Variants in FRMD4A observed in about 807,000 individuals in gnomAD.
The protein encoded by FRMD4A is FERM domain-containing protein 4A.
In FRMD4A, 29 loss-of-function variants were observed where a neutral mutation model predicts 129.1. The observed-to-expected ratio is 0.22, with a 90% CI of 0.17 to 0.31. The LOEUF is 0.31. Among genes scored for constraint, FRMD4A ranks in the 10% least tolerant of loss-of-function variants. The pLI is 1.00. For synonymous variants in FRMD4A, 634 were observed against 571.6 expected, an observed-to-expected ratio of 1.11 and a Z score of -1.56; for missense variants, 1,272 against 1,375.8, an observed-to-expected ratio of 0.92 and a Z score of 1.19.
chr10:13,963,750 G>A (rs920006105), intron 2 of FRMD4A, among the ~76,000 whole-genome samples: 1 of 152,178 alleles, frequency 6.6e-6, no homozygotes, highest in Admixed American at 6.5e-5. Context: ...AGGTTGGTAG[G>A]TGTTCTTATA....
chr10:13,865,076 T>C (rs1313813984), intron 2 of FRMD4A, among the ~76,000 whole-genome samples: 3 of 151,874 alleles, frequency 2.0e-5, no homozygotes, highest in Admixed American at 1.3e-4. Flanking sequence ...CTGGGCTCAA[T>C]TGATCCTCCT....
intron 15 of FRMD4A, among the ~76,000 whole-genome samples, chr10:13,688,335 A>G (rs1240144983): frequency 1.3e-5 from 2 of 151,924 alleles, no homozygotes; most frequent in Non-Finnish European, 2.9e-5. Context: ...ATAGGTGGGA[A>G]TTGAAGAATG....
chr10:13,722,530 G>A (rs60536027), intron 12 of FRMD4A, among the ~76,000 whole-genome samples: 1 of 151,862 alleles, frequency 6.6e-6, no homozygotes, highest in African/African-American at 2.4e-5. Context: ...ACAGGCATGA[G>A]CCACTGTGGC....
At chr10:13,761,832 A>G (rs1416074017) in intron 7 of FRMD4A, among the ~76,000 whole-genome samples, 163 bp from the exon 8 acceptor site, 1 of 152,236 alleles carries the variant, frequency 6.6e-6, no homozygotes, top group Non-Finnish European at 1.5e-5. Context: ...AACTGAATGC[A>G]CACCTTTGCC....
chr10:14,317,478 C>G (rs1345032146), intron 2 of FRMD4A, among the ~76,000 whole-genome samples: 1 of 152,190 alleles, frequency 6.6e-6, no homozygotes, highest in Non-Finnish European at 1.5e-5. Flanking sequence ...GACTATTTCT[C>G]TGCCATCACA....
Position 14,241,399 on chromosome 10 carries a change from T to C in FRMD4A, c.45+88659A>G, listed in dbSNP as rs117914717. On this transcript the variant is annotated intron_variant, in intron 2 of 24. Transcript: ENST00000357447. ...AAAGCTTCTAGAACCTTTTTTGTGA[T>C]TGTCAGCATTTTCAGGACAACTTTG... 9.7e-3 allele frequency among the ~76,000 whole-genome samples: 1,472 copies of C among 152,254 alleles called. 13 individuals are homozygous for C. The highest frequency in any genetic ancestry group is 0.014 in the Non-Finnish European group (984 of 68,006).
chr10:13,783,335 C>A (rs2130783662), intron 5 of FRMD4A, among the ~76,000 whole-genome samples: 1 of 152,280 alleles, frequency 6.6e-6, no homozygotes, highest in East Asian at 1.9e-4. Context: ...TATTTGTTTT[C>A]ATCACATTGC....
intron 2 of FRMD4A, among the ~76,000 whole-genome samples, chr10:13,863,816 T>C (rs1454539245): frequency 2.6e-5 from 4 of 151,876 alleles, no homozygotes; most frequent in Non-Finnish European, 5.9e-5. Flanking sequence ...AGTGACCCTA[T>C]TTGGAGAGGT....
intron 2 of FRMD4A, among the ~76,000 whole-genome samples, chr10:14,266,391 T>G (rs1437097316): frequency 6.6e-6 from 1 of 152,132 alleles, no homozygotes; most frequent in African/African-American, 2.4e-5. Flanking sequence ...GGGAGATGCT[T>G]TAAGATTATA....
intron 2 of FRMD4A, among the ~76,000 whole-genome samples, chr10:14,046,278 C>T (rs1013425969): frequency 3.9e-5 from 6 of 152,106 alleles, no homozygotes; most frequent in African/African-American, 7.2e-5. Context: ...TTGGACCTTA[C>T]AGTCACTACT....
intron 2 of FRMD4A, among the ~76,000 whole-genome samples, chr10:14,073,275 C>A (rs1015126776): frequency 2.0e-5 from 3 of 151,936 alleles, no homozygotes; most frequent in Non-Finnish European, 4.4e-5. Flanking sequence ...GAGTTGGATG[C>A]TGGCTTGTTA....
intron 2 of FRMD4A, among the ~76,000 whole-genome samples, chr10:14,253,419 A>G (rs1447020289): frequency 6.6e-6 from 1 of 152,248 alleles, no homozygotes; most frequent in Non-Finnish European, 1.5e-5. Context: ...TGTAATTGCT[A>G]TAGCAAGTGG....
chr10:13,717,689 CTTGT>C lies in FRMD4A; in HGVS notation c.760-10580_760-10577del, dbSNP rs2088956882. Among the ~76,000 whole-genome samples, 7 of 44,498 alleles carry C rather than the reference CTTGT, an allele frequency of 1.6e-4. No homozygotes were observed. The South Asian group carries it at 6.8e-3, about 43-fold the overall frequency. The allele number at this position is 44,498 out of a possible 152,430, so 29.2% of individuals were successfully genotyped here. ...AGGCTTTAGGGAGAAACCTGTTGTT[CTTGT>C]TTTTTTTTTTTTTTTTTCCAGGGGT... is the stretch of plus-strand genomic sequence containing the variant. On this transcript the variant is annotated intron_variant, in intron 12 of 24. Coordinates refer to ENST00000357447, the MANE Select transcript of FRMD4A (RefSeq NM_018027.5).
intron 2 of FRMD4A, among the ~76,000 whole-genome samples, chr10:14,175,015 TGAAA>T (rs1292817566): frequency 6.6e-6 from 1 of 151,690 alleles, no homozygotes; most frequent in Non-Finnish European, 1.5e-5. Context: ...AAATACACAA[TGAAA>T]GAAAAATGGC....
intron 15 of FRMD4A, chr10:13,684,318 C>T: frequency 1.0e-6 from 1 of 985,084 alleles, no homozygotes; most frequent in Non-Finnish European, 1.2e-6. Flanking sequence ...TGGAGTTACT[C>T]ACGCCAAGTC....
At chr10:14,184,993 A>G (rs1349149266) in intron 2 of FRMD4A, among the ~76,000 whole-genome samples, 1 of 152,056 alleles carries the variant, frequency 6.6e-6, no homozygotes, top group Non-Finnish European at 1.5e-5. Context: ...GAGAGCGCGG[A>G]ATGAGAGAAA....
rs1177254682 is a variant in FRMD4A at position 14,149,175 on chromosome 10, C to CATGCT, written c.45+180878_45+180882dup. Reference sequence around the variant, plus strand: ...TAGACCATTGTTTTTATAGAAAACCCATGCTATGTAAGTATTTCCATGAAA... The same window carrying CATGCT: ...TAGACCATTGTTTTTATAGAAAACCCATGCTATGCTATGTAAGTATTTCCATGAAA... On this transcript the variant is annotated intron_variant, in intron 2 of 24. Coordinates refer to ENST00000357447, the MANE Select transcript of FRMD4A (RefSeq NM_018027.5). Among the ~76,000 whole-genome samples, 8 of 152,196 alleles carry CATGCT rather than the reference C, an allele frequency of 5.3e-5. No individual in the cohort carries two copies. The East Asian group carries it at 9.6e-4, about 18-fold the overall frequency.
At chr10:13,869,369 ATGTGGGGAGGTG>A (rs2094413427) in intron 2 of FRMD4A, among the ~76,000 whole-genome samples, 1 of 152,224 alleles carries the variant, frequency 6.6e-6, no homozygotes, top group Non-Finnish European at 1.5e-5. Flanking sequence ...CAGTTGTGTG[ATGTGGGGAGGTG>A]GGTGCACTTT....
intron 2 of FRMD4A, among the ~76,000 whole-genome samples, chr10:13,886,689 T>TG (rs757553941): frequency 6.5e-4 from 99 of 152,248 alleles, no homozygotes; most frequent in Non-Finnish European, 1.1e-3. Flanking sequence ...CAAACAATCC[T>TG]CCCATTTTAG....
Sources: gnomAD v4.1 joint callset for allele counts (sites outside exome capture counted in the v4.1 genomes callset) on GRCh38, gnomAD v4.1.1 for gene constraint, MANE v1.5 for transcripts, NCBI Gene and HGNC (gene_info 2026-07-23, HGNC 2026-07-21) for gene names.